Variants in GABRA3 observed in about 807,000 individuals in gnomAD.
GABRA3 encodes gamma-aminobutyric acid receptor subunit alpha-3.
Under a neutral mutation model 30.1 loss-of-function variants are expected in GABRA3, and 10 were observed. That is an observed-to-expected ratio of 0.33 (90% CI 0.20 to 0.56). GABRA3 has a LOEUF of 0.56. GABRA3 is among the 20% of genes least tolerant of loss of function. The probability of loss-of-function intolerance (pLI) is 0.89; values close to 1 mark genes in which losing one functional copy is unlikely to be tolerated. For synonymous variants in GABRA3, 151 were observed against 146.8 expected, an observed-to-expected ratio of 1.03 and a Z score of -0.21; for missense variants, 233 against 392.0, an observed-to-expected ratio of 0.59 and a Z score of 3.42.
intron 4 of GABRA3, among the ~76,000 whole-genome samples, chrX:152,271,365 G>A (rs1938933940): frequency 8.9e-6 from 1 of 111,874 alleles, no homozygotes; most frequent in South Asian, 3.7e-4. Context: ...AACTTGGGGG[G>A]AACTGGAATA....
intron 8 of GABRA3, among the ~76,000 whole-genome samples, chrX:152,190,815 A>G (rs1937314973): frequency 9.1e-6 from 1 of 109,475 alleles, no homozygotes; most frequent in Non-Finnish European, 1.9e-5. Flanking sequence ...CTTTATTTAC[A>G]TTTAAATTAT....
chrX:152,272,832 G>T lies in GABRA3; in HGVS notation c.330+11836C>A, dbSNP rs758580255. On this transcript the variant is annotated intron_variant, in intron 4 of 9. Transcript: ENST00000370314. ...CATGAGATTTGATGGTTTTATAAGGGGATTTTCCCCCTTTGCTTAGCACTG... is the reference window on the plus strand; with the variant it reads ...CATGAGATTTGATGGTTTTATAAGGTGATTTTCCCCCTTTGCTTAGCACTG... Among the ~76,000 whole-genome samples the T allele has an allele frequency of 3.6e-5, 4 of 111,205 alleles. No homozygotes were observed. The East Asian group carries it at 1.1e-3, about 32-fold the overall frequency.
At chrX:152,233,297 A>C (rs1356394859) in intron 5 of GABRA3, among the ~76,000 whole-genome samples, 1 of 110,952 alleles carries the variant, frequency 9.0e-6, no homozygotes, top group African/African-American at 3.3e-5. Context: ...TGCTGTGCAG[A>C]AGCTCTTTAG....
At chrX:152,424,356 G>A (rs1444703690) in intron 1 of GABRA3, among the ~76,000 whole-genome samples, 3 of 109,289 alleles carry the variant, frequency 2.7e-5, no homozygotes, top group African/African-American at 1.0e-4. Flanking sequence ...ACTAGTTCAA[G>A]CCATTACAAA....
intron 4 of GABRA3, among the ~76,000 whole-genome samples, chrX:152,268,567 G>T (rs1307564863): frequency 9.0e-6 from 1 of 111,658 alleles, no homozygotes; most frequent in East Asian, 2.8e-4. Context: ...CATAAGAATG[G>T]ACTAATACAC....
At chrX:152,330,149 A>C (rs968943036) in intron 3 of GABRA3, among the ~76,000 whole-genome samples, 1 of 112,240 alleles carries the variant, frequency 8.9e-6, no homozygotes, top group South Asian at 3.7e-4. Context: ...CCACAATGAG[A>C]TACCATCTCA....
chrX:152,319,977 C>T (rs1471601808), intron 3 of GABRA3, among the ~76,000 whole-genome samples: 1 of 111,152 alleles, frequency 9.0e-6, no homozygotes. Flanking sequence ...AAAAAATGCT[C>T]AACATCACTA....
rs766086107 is a variant in GABRA3 at position 152,240,596 on chromosome X, A to G, written c.551+15182T>C. Among the ~76,000 whole-genome samples, 335 of 93,389 alleles carry G rather than the reference A, an allele frequency of 3.6e-3. 1 individual carries two copies. Among genetic ancestry groups the G allele is most frequent in the Middle Eastern group, 0.011 (2 of 189 alleles). The allele number at this position is 93,389 out of a possible 115,157, so 81.1% of individuals were successfully genotyped here. A position where few individuals can be genotyped will look rare whatever the true frequency, so the allele number is the denominator to read the frequency against. On this transcript the variant is annotated intron_variant, in intron 5 of 9. Coordinates refer to ENST00000370314, the MANE Select transcript of GABRA3 (RefSeq NM_000808.4). ...ATAATATCCTGCAGAGTGTTTTCCA[A>G]CTTGGTTCCATTCTCCCCATCACTT...
At chrX:152,183,257 A>G (rs894622078) in intron 9 of GABRA3, among the ~76,000 whole-genome samples, 8 of 110,337 alleles carry the variant, frequency 7.3e-5, no homozygotes, top group Admixed American at 6.8e-4. Flanking sequence ...GTCTGTTCAG[A>G]TATTCCATTT....
At chrX:152,216,940 C>T (rs188469551) in intron 6 of GABRA3, among the ~76,000 whole-genome samples, 1 of 110,656 alleles carries the variant, frequency 9.0e-6, no homozygotes, top group African/African-American at 3.3e-5. Flanking sequence ...AGTATACACA[C>T]TTATTTGTCA....
chrX:152,445,508 T>TA (rs1165844749), intron 1 of GABRA3, among the ~76,000 whole-genome samples: 2 of 111,204 alleles, frequency 1.8e-5, no homozygotes, highest in Non-Finnish European at 3.8e-5. Context: ...ACCTCAGGAA[T>TA]AAAAAATGGA....
chrX:152,301,680 C>A (rs996721941), intron 3 of GABRA3, among the ~76,000 whole-genome samples: 1 of 110,348 alleles, frequency 9.1e-6, no homozygotes, highest in Non-Finnish European at 1.9e-5. Flanking sequence ...ATTACAGGCA[C>A]CTGCCACAAT....
In GABRA3 at chrX:152,302,979, T is replaced by C. The variant is rs112867210; in HGVS notation, c.263-18244A>G. On this transcript the variant is annotated intron_variant, in intron 3 of 9. Transcript: ENST00000370314. ...CACATTTTCTTTATCCAATCCACCA[T>C]TGATGGAGACCTACATTGACTCCAT... Among the ~76,000 whole-genome samples the C allele has an allele frequency of 9.3e-3, 1,043 of 112,040 alleles. 11 individuals are homozygous for C. Among genetic ancestry groups the C allele is most frequent in the African/African-American group, 0.032 (990 of 30,806 alleles).
intron 1 of GABRA3, among the ~76,000 whole-genome samples, chrX:152,376,361 C>A (rs771750429): frequency 1.8e-5 from 2 of 110,870 alleles, no homozygotes; most frequent in Admixed American, 1.9e-4. Flanking sequence ...TTGAGTGAAA[C>A]CCAATTTAAG....
At chrX:152,305,642 A>T (rs1939709302) in intron 3 of GABRA3, among the ~76,000 whole-genome samples, 1 of 111,804 alleles carries the variant, frequency 8.9e-6, no homozygotes, top group South Asian at 3.7e-4. Context: ...TAATTAAGGA[A>T]TTTTTCCATT....
At chrX:152,239,314 T>A (rs1326504895) in intron 5 of GABRA3, among the ~76,000 whole-genome samples, 1 of 108,100 alleles carries the variant, frequency 9.3e-6, no homozygotes, top group Non-Finnish European at 1.9e-5. Context: ...TTGAGTGAGA[T>A]TCTTAATACT....
intron 5 of GABRA3, among the ~76,000 whole-genome samples, chrX:152,244,664 C>T (rs764916538): frequency 1.8e-5 from 2 of 111,488 alleles, no homozygotes; most frequent in South Asian, 3.8e-4. Context: ...CTTCGACCCA[C>T]GGAGAGTGAC....
intron 7 of GABRA3, among the ~76,000 whole-genome samples, chrX:152,205,872 G>GTA (rs757567446): frequency 8.9e-6 from 1 of 112,809 alleles, no homozygotes; most frequent in South Asian, 3.6e-4. Flanking sequence ...AATACTGAAT[G>GTA]TAAAACAATC....
intron 1 of GABRA3, among the ~76,000 whole-genome samples, chrX:152,398,094 A>G (rs751734530): frequency 3.6e-5 from 4 of 111,412 alleles, no homozygotes; most frequent in South Asian, 3.7e-4. Flanking sequence ...TGTGGCCACA[A>G]CTGCAACCTC....
Sources: gnomAD v4.1 joint callset for allele counts (sites outside exome capture counted in the v4.1 genomes callset) on GRCh38, gnomAD v4.1.1 for gene constraint, MANE v1.5 for transcripts, NCBI Gene and HGNC (gene_info 2026-07-23, HGNC 2026-07-21) for gene names.